Variants in AGTPBP1 observed in about 807,000 individuals in gnomAD.
The protein encoded by AGTPBP1 is cytosolic carboxypeptidase 1.
A neutral mutation model predicts 143.9 loss-of-function variants in AGTPBP1; 70 were observed. The ratio of observed to expected loss-of-function variants is 0.49; its 90% CI spans 0.40 to 0.59. The LOEUF is 0.59. AGTPBP1 is among the 20% of genes least tolerant of loss of function. AGTPBP1 has a pLI of 0.00. For synonymous variants in AGTPBP1, 463 were observed against 500.2 expected (o/e 0.93, Z 0.99); for missense variants, 1,229 against 1,464.5 (o/e 0.84, Z 2.62).
At chr9:85,675,395 G>A (rs1415034072) in intron 6 of AGTPBP1, among the ~76,000 whole-genome samples, 2 of 151,950 alleles carry the variant, frequency 1.3e-5, no homozygotes, top group Non-Finnish European at 2.9e-5. Flanking sequence ...GTGTCTTACT[G>A]TTGTAATAAC....
chr9:85,632,503 A>G (rs995268004), intron 14 of AGTPBP1, among the ~76,000 whole-genome samples, 159 bp downstream of exon 14: 1 of 152,236 alleles, frequency 6.6e-6, no homozygotes, highest in Non-Finnish European at 1.5e-5. Context: ...AACAAGGACA[A>G]TTTCAAAACA....
the AGTPBP1 span, among the ~76,000 whole-genome samples, chr9:85,749,885 CTTTT>C: frequency 1.4e-5 from 2 of 143,072 alleles, no homozygotes; most frequent in Non-Finnish European, 1.5e-5. Flanking sequence ...TCCTGTATCC[CTTTT>C]TTTTTTTTTT....
chr9:85,776,397 C>A, the AGTPBP1 span, among the ~76,000 whole-genome samples: 1 of 152,310 alleles, frequency 6.6e-6, no homozygotes, highest in African/African-American at 2.4e-5. Flanking sequence ...TTAGCAAGCA[C>A]CTCAGCACGT....
chr9:85,608,262 TATA>T (rs1830103191), intron 17 of AGTPBP1, among the ~76,000 whole-genome samples: 1 of 151,946 alleles, frequency 6.6e-6, no homozygotes, highest in Non-Finnish European at 1.5e-5. Context: ...ATAATGAAAA[TATA>T]ATAATACTTA....
chr9:85,637,659 A>G (rs1299862468), intron 13 of AGTPBP1, among the ~76,000 whole-genome samples: 7 of 152,230 alleles, frequency 4.6e-5, no homozygotes, highest in African/African-American at 1.7e-4. Flanking sequence ...CAGGAGATGA[A>G]GAGACTACAA....
At chr9:85,572,995 A>G (rs1463252032) in intron 25 of AGTPBP1, among the ~76,000 whole-genome samples, 3 of 152,208 alleles carry the variant, frequency 2.0e-5, no homozygotes, top group Non-Finnish European at 2.9e-5. Context: ...ATAAAATGAG[A>G]CTATTGTTAC....
At chr9:85,774,133 T>C in the AGTPBP1 span, 9 of 850,918 alleles carry the variant, frequency 1.1e-5, no homozygotes, top group African/African-American at 1.5e-4. Flanking sequence ...GCTCAACATG[T>C]TTAAATAGTT....
At chr9:85,624,959 G>C (rs1272895581) in intron 14 of AGTPBP1, among the ~76,000 whole-genome samples, 1 of 152,136 alleles carries the variant, frequency 6.6e-6, no homozygotes, top group Non-Finnish European at 1.5e-5. Flanking sequence ...TCAGGGTATA[G>C]ACAGCTTTTT....
chr9:85,658,486 C>T (rs1833666061), intron 9 of AGTPBP1, among the ~76,000 whole-genome samples: 1 of 152,012 alleles, frequency 6.6e-6, no homozygotes, highest in South Asian at 2.1e-4. Flanking sequence ...CATATCAAGT[C>T]ACCCAATGCT....
intron 23 of AGTPBP1, among the ~76,000 whole-genome samples, chr9:85,582,629 G>A (rs559760410): frequency 3.3e-4 from 50 of 151,866 alleles, no homozygotes; most frequent in African/African-American, 9.9e-4. Flanking sequence ...GCAGTGAGCC[G>A]AGATCGTGCC....
chr9:85,745,997 T>C (rs1020434743), upstream of AGTPBP1, among the ~76,000 whole-genome samples: 2 of 152,150 alleles, frequency 1.3e-5, no homozygotes, highest in Non-Finnish European at 2.9e-5. Context: ...GGATGGCAGC[T>C]CCACTTCCCT....
At chr9:85,585,226 T>C (rs144745198) in intron 23 of AGTPBP1, among the ~76,000 whole-genome samples, 126 of 152,326 alleles carry the variant, frequency 8.3e-4, no homozygotes, top group African/African-American at 2.2e-3. Context: ...ATCGAGTTAA[T>C]AGTGCAAGCC....
chr9:85,667,816 C>CT (rs905598688), intron 8 of AGTPBP1, among the ~76,000 whole-genome samples: 3 of 146,556 alleles, frequency 2.0e-5, no homozygotes, highest in East Asian at 2.1e-4. Flanking sequence ...AACAGGGAAA[C>CT]TTTTTTTTAT....
chr9:85,702,564 GT>G (rs563827349), intron 2 of AGTPBP1, among the ~76,000 whole-genome samples: 1,530 of 138,580 alleles, frequency 0.011, 16 homozygotes, highest in African/African-American at 0.036. Context: ...TACATCATCA[GT>G]TTTTTTTTTT....
intron 23 of AGTPBP1, among the ~76,000 whole-genome samples, chr9:85,582,367 ATTAG>A (rs1309511322): frequency 3.9e-5 from 6 of 152,210 alleles, no homozygotes; most frequent in Middle Eastern, 6.8e-3. Context: ...AAGAGTATTG[ATTAG>A]TTATTTTTTC....
chr9:85,560,365 T>G (rs1432587093), intron 25 of AGTPBP1, among the ~76,000 whole-genome samples: 1 of 152,228 alleles, frequency 6.6e-6, no homozygotes, highest in Admixed American at 6.5e-5. Context: ...GACCTTCAAA[T>G]TCCCTTCTTC....
At chr9:85,703,158 A>C (rs1836778630) in intron 2 of AGTPBP1, among the ~76,000 whole-genome samples, 1 of 152,160 alleles carries the variant, frequency 6.6e-6, no homozygotes, top group Non-Finnish European at 1.5e-5. Flanking sequence ...TCTGCAGCTA[A>C]TGTTTCCTAA....
At chr9:85,569,074 A>G (rs1404842312) in intron 25 of AGTPBP1, among the ~76,000 whole-genome samples, 1 of 152,198 alleles carries the variant, frequency 6.6e-6, no homozygotes, top group Admixed American at 6.5e-5. Context: ...GAAAAAGCAA[A>G]AGAAGATGAA....
At chr9:85,657,261 ACTCAGCCTGAGGTCACATGTG>A in intron 10 of AGTPBP1, among the ~76,000 whole-genome samples, 153 bp downstream of exon 10, 1 of 151,836 alleles carries the variant, frequency 6.6e-6, no homozygotes, top group Non-Finnish European at 1.5e-5. Context: ...ATTTCCTCCA[ACTCAGCCTGAGGTCACATGTG>A]AGAAATAATT....
Sources: gnomAD v4.1 joint callset for allele counts (sites outside exome capture counted in the v4.1 genomes callset) on GRCh38, gnomAD v4.1.1 for gene constraint, MANE v1.5 for transcripts, NCBI Gene and HGNC (gene_info 2026-07-23, HGNC 2026-07-21) for gene names.